Variants in ERBB4 observed in about 807,000 individuals in gnomAD.
ERBB4 encodes erb-b2 receptor tyrosine kinase 4, also known as receptor tyrosine-protein kinase erbB-4.
A neutral mutation model predicts 158.0 loss-of-function variants in ERBB4; 42 were observed. That is an observed-to-expected ratio of 0.27 (90% CI 0.21 to 0.34). ERBB4 has a LOEUF of 0.34. Ranked by LOEUF, ERBB4 falls within the 10% of genes least tolerant of loss-of-function variation. The pLI, the probability that ERBB4 is intolerant of heterozygous loss-of-function variation, is 1.00. For synonymous variants in ERBB4, 583 were observed against 558.7 expected (o/e 1.04, Z -0.61); for missense variants, 1,333 against 1,624.1 (o/e 0.82, Z 3.08).
At chr2:212,398,806 T>C (rs974556573) in intron 1 of ERBB4, among the ~76,000 whole-genome samples, 2 of 152,148 alleles carry the variant, frequency 1.3e-5, no homozygotes, top group Non-Finnish European at 2.9e-5. Context: ...CACCAACTCA[T>C]TGATTCTTAT....
At chr2:211,538,321 A>T (rs1406048791) in intron 20 of ERBB4, among the ~76,000 whole-genome samples, 1 of 151,844 alleles carries the variant, frequency 6.6e-6, no homozygotes, top group Non-Finnish European at 1.5e-5. Flanking sequence ...GTTATACACG[A>T]ATTTAATACT....
intron 3 of ERBB4, among the ~76,000 whole-genome samples, chr2:211,813,518 A>G (rs1171699630): frequency 3.9e-5 from 6 of 152,198 alleles, no homozygotes; most frequent in African/African-American, 1.4e-4. Context: ...ACTTTTTTCA[A>G]AGAAATTCCA....
chr2:212,220,990 A>G (rs1481073055), intron 1 of ERBB4, among the ~76,000 whole-genome samples: 1 of 151,486 alleles, frequency 6.6e-6, no homozygotes, highest in East Asian at 1.9e-4. Context: ...AATATTAAAC[A>G]TCCAATTCCT....
chr2:212,287,745 C>T (rs534841881), intron 1 of ERBB4, among the ~76,000 whole-genome samples: 6 of 152,234 alleles, frequency 3.9e-5, no homozygotes, highest in African/African-American at 9.6e-5. Context: ...TAAAAAAGAA[C>T]GACATTATGT....
At position 212,097,327 on chromosome 2, in the gene ERBB4, G is replaced by T. The variant is rs543660923; in HGVS notation, c.234+27425C>A. Among the ~76,000 whole-genome samples the T allele has an allele frequency of 3.3e-5, 5 of 152,186 alleles. No homozygotes were observed. The South Asian group carries it at 1.0e-3, about 32-fold the overall frequency. On this transcript the variant is annotated intron_variant, in intron 2 of 27. Transcript: ENST00000342788. ...TGAGGAGGTAACATGATACTGGAAA[G>T]ACTACTAAGACTAAAATGAATAAAG...
chr2:212,350,270 T>A lies in ERBB4; in HGVS notation c.82+188179A>T, dbSNP rs776401357. Among the ~76,000 whole-genome samples, 151 of 152,194 alleles carry A rather than the reference T, an allele frequency of 9.9e-4. 1 individual carries two copies. Among genetic ancestry groups the A allele is most frequent in the Admixed American group, 3.5e-3 (53 of 15,256 alleles). On this transcript the variant is annotated intron_variant, in intron 1 of 27. Transcript: ENST00000342788. ...TTTTCCTAGCTGACAACATAACTATTTAGTTAAAGAATTTGGGCTAAGACC... is the reference window on the plus strand; with the variant it reads ...TTTTCCTAGCTGACAACATAACTATATAGTTAAAGAATTTGGGCTAAGACC...
At chr2:211,827,542 T>C (rs115322328) in intron 3 of ERBB4, among the ~76,000 whole-genome samples, 1,855 of 151,940 alleles carry the variant, frequency 0.012, 32 homozygotes, top group African/African-American at 0.042. Context: ...TTTTTAAAAA[T>C]TGATCTGGTA....
At chr2:212,235,162 AG>A (rs1336499441) in intron 1 of ERBB4, among the ~76,000 whole-genome samples, 2 of 152,300 alleles carry the variant, frequency 1.3e-5, no homozygotes, top group East Asian at 3.9e-4. Context: ...ATAAGGTGTA[AG>A]GAAGGGGTCC....
intron 20 of ERBB4, among the ~76,000 whole-genome samples, chr2:211,561,090 A>G (rs1195932667): frequency 6.6e-6 from 1 of 152,172 alleles, no homozygotes; most frequent in Non-Finnish European, 1.5e-5. Context: ...CAAGATAGAT[A>G]TCTGGTATAG....
At chr2:212,082,087 A>C (rs1031019637) in intron 2 of ERBB4, among the ~76,000 whole-genome samples, 1 of 152,132 alleles carries the variant, frequency 6.6e-6, no homozygotes, top group African/African-American at 2.4e-5. Context: ...ATAATTTTTC[A>C]GTTAGTGACA....
At chr2:212,366,179 A>G (rs1047679509) in intron 1 of ERBB4, among the ~76,000 whole-genome samples, 4 of 151,930 alleles carry the variant, frequency 2.6e-5, no homozygotes, top group African/African-American at 7.2e-5. Context: ...ATAAGAATGA[A>G]GTTGAAACAA....
In ERBB4 at chr2:211,413,305, T is replaced by TAAAAAAAAA. The variant is rs768289370; in HGVS notation, c.3135+7135_3135+7136insTTTTTTTTT. Among the ~76,000 whole-genome samples the TAAAAAAAAA allele has an allele frequency of 5.4e-3, 309 of 56,896 alleles. 17 individuals carry two copies. The highest frequency in any genetic ancestry group is 0.022 in the African/African-American group (295 of 13,454). The allele number at this position is 56,896 out of a possible 152,430, so 37.3% of individuals were successfully genotyped here. A position where few individuals can be genotyped will look rare whatever the true frequency, so the allele number is the denominator to read the frequency against. Reference sequence around the variant, plus strand: ...TTGGGGACAGAGAGAGACCCTGTCTTAAAAACACACACACACACACACACA... The same window carrying TAAAAAAAAA: ...TTGGGGACAGAGAGAGACCCTGTCTTAAAAAAAAAAAAAACACACACACACACACACACA... On this transcript the variant is annotated intron_variant, in intron 25 of 27. Transcript: ENST00000342788.
chr2:212,252,687 T>A (rs1419940937), intron 1 of ERBB4, among the ~76,000 whole-genome samples: 1 of 152,082 alleles, frequency 6.6e-6, no homozygotes, highest in Non-Finnish European at 1.5e-5. Flanking sequence ...ATAAATATCA[T>A]CCTTTTATGC....
rs946509692 is a variant in ERBB4, at chr2:212,375,145, T to C, written c.82+163304A>G. On this transcript the variant is annotated intron_variant, in intron 1 of 27. Coordinates refer to ENST00000342788, the MANE Select transcript of ERBB4 (RefSeq NM_005235.3). Reference sequence around the variant, plus strand: ...ATTACTCTAATAAAGCTTACTCTAATAGAACACATAACCAAGCCAGATAAA... The same window carrying C: ...ATTACTCTAATAAAGCTTACTCTAACAGAACACATAACCAAGCCAGATAAA... 3.9e-4 allele frequency among the ~76,000 whole-genome samples: 59 copies of C among 152,126 alleles called. No individual in the cohort carries two copies. In the Middle Eastern group the frequency reaches 0.017, roughly 44 times the overall value.
chr2:211,989,939 G>C (rs2082030129), intron 2 of ERBB4, among the ~76,000 whole-genome samples: 1 of 151,530 alleles, frequency 6.6e-6, no homozygotes, highest in Admixed American at 6.6e-5. Context: ...TCATCCCTTA[G>C]CTTGCATTCA....
intron 3 of ERBB4, among the ~76,000 whole-genome samples, chr2:211,866,790 G>T (rs911074366): frequency 1.3e-5 from 2 of 151,600 alleles, no homozygotes. Flanking sequence ...TTTAAAATAC[G>T]CCAATAGAGC....
chr2:211,649,430 T>G (rs1472364950), intron 16 of ERBB4, among the ~76,000 whole-genome samples: 1 of 151,834 alleles, frequency 6.6e-6, no homozygotes, highest in Non-Finnish European at 1.5e-5. Context: ...GAGAAAGAAA[T>G]AAAAAACTGA....
intron 3 of ERBB4, among the ~76,000 whole-genome samples, chr2:211,926,963 A>G (rs1232879844): frequency 6.6e-6 from 1 of 152,184 alleles, no homozygotes; most frequent in Non-Finnish European, 1.5e-5. Flanking sequence ...ACTGTGTACT[A>G]ATACATAAGA....
chr2:211,792,786 G>A (rs2076304722), intron 3 of ERBB4, among the ~76,000 whole-genome samples: 1 of 151,828 alleles, frequency 6.6e-6, no homozygotes, highest in African/African-American at 2.4e-5. Context: ...TTAACCATTG[G>A]ACCATGTCTT....
Sources: gnomAD v4.1 joint callset for allele counts (sites outside exome capture counted in the v4.1 genomes callset) on GRCh38, gnomAD v4.1.1 for gene constraint, MANE v1.5 for transcripts, NCBI Gene and HGNC (gene_info 2026-07-23, HGNC 2026-07-21) for gene names.